Variants in PGD observed in about 807,000 individuals in gnomAD.
PGD encodes the protein 6-phosphogluconate dehydrogenase, decarboxylating.
In PGD, 21 loss-of-function variants were observed where a neutral mutation model predicts 60.4. The observed-to-expected ratio is 0.35, with a 90% CI of 0.25 to 0.50. The LOEUF (loss-of-function observed/expected upper bound fraction) is 0.50, where lower values mean the gene tolerates loss of function less well. PGD is among the 20% of genes least tolerant of loss of function. The pLI is 0.98. For missense variants in PGD, 477 were observed against 613.1 expected (o/e 0.78, Z 2.34); for synonymous variants, 230 against 235.9 (o/e 0.97, Z 0.23).
intron 6 of PGD, among the ~76,000 whole-genome samples, chr1:10,409,132 C>T (rs1639455484): frequency 6.6e-6 from 1 of 152,098 alleles, no homozygotes; most frequent in African/African-American, 2.4e-5. Context: ...CTCCTGATTC[C>T]CTTTAATTTT....
Position 10,419,614 on chromosome 1 carries a change from C to T in PGD, c.1333-16C>T, listed in dbSNP as rs199525398. On this transcript the variant is annotated splice_polypyrimidine_tract_variant and intron_variant, in intron 12 of 12. Coordinates refer to ENST00000270776, the MANE Select transcript of PGD (RefSeq NM_002631.4). ...GCCATGGACTGTCCTGACCAACCTACTCTCTCGTTTCCTAGGCTCAGCGGG... is the reference window on the plus strand; with the variant it reads ...GCCATGGACTGTCCTGACCAACCTATTCTCTCGTTTCCTAGGCTCAGCGGG... 7.4e-6 allele frequency: 12 copies of T among 1,614,038 alleles called. No individual in the cohort carries two copies. The highest frequency in any genetic ancestry group is 2.7e-5 in the African/African-American group (2 of 75,064).
intron 5 of PGD, among the ~76,000 whole-genome samples, chr1:10,407,217 G>T (rs556191509): frequency 2.0e-5 from 3 of 152,208 alleles, no homozygotes; most frequent in Non-Finnish European, 4.4e-5. Context: ...GGAAGCTGAG[G>T]TGTGAGGATT....
At position 10,420,213 on chromosome 1, in the gene PGD, TTTTC is replaced by T. The variant is rs1474853369; in HGVS notation, c.*468_*471del. On this transcript the variant is annotated 3_prime_UTR_variant, in exon 13 of 13. Transcript: ENST00000270776. ...CCATTATCCCCATTGGCAGAAAGAT[TTTTC>T]TTTAAAAAAAAAGACTAGAATAACA... The T allele has an allele frequency of 1.3e-5, 2 of 156,830 alleles. No homozygotes were observed. The highest frequency in any genetic ancestry group is 1.2e-4 in the Admixed American group (2 of 16,362). The allele number at this position is 156,830 out of a possible 1,614,324, so 9.7% of individuals were successfully genotyped here.
intron 5 of PGD, among the ~76,000 whole-genome samples, chr1:10,406,106 G>C (rs533432821): frequency 1.3e-5 from 2 of 152,268 alleles, no homozygotes; most frequent in South Asian, 4.1e-4. Context: ...GCCTGCCTCA[G>C]CCTCCCAAAG....
At chr1:10,412,578 C>G (rs1178701701) in intron 7 of PGD, among the ~76,000 whole-genome samples, 2 of 152,160 alleles carry the variant, frequency 1.3e-5, no homozygotes, top group African/African-American at 4.8e-5. Context: ...AACGTGTTCA[C>G]TCAGCAAACA....
At chr1:10,408,010 TG>T in intron 5 of PGD, 60 bp from the exon 6 acceptor site, 2 of 960,326 alleles carry the variant, frequency 2.1e-6, no homozygotes, top group Non-Finnish European at 3.4e-6. Context: ...TTGGTGTCTA[TG>T]GGTATGGGCT....
intron 11 of PGD, 120 bp from the exon 12 acceptor site, chr1:10,419,297 G>T: frequency 7.2e-7 from 1 of 1,386,120 alleles, no homozygotes; most frequent in Non-Finnish European, 9.8e-7. Context: ...GATGACAGGC[G>T]TGAGCCACCG....
At chr1:10,412,929 A>G (rs1048109602) in intron 7 of PGD, 133 bp from the exon 8 acceptor site, 8 of 676,046 alleles carry the variant, frequency 1.2e-5, no homozygotes, top group South Asian at 1.8e-5. Flanking sequence ...CAGCAGGAGC[A>G]GAAGTCCCCA....
intron 12 of PGD, 36 bp downstream of exon 12, chr1:10,419,575 C>A (rs946835822): frequency 3.1e-6 from 5 of 1,614,042 alleles, no homozygotes; most frequent in Non-Finnish European, 4.2e-6. Context: ...CTGGCTGGCC[C>A]CTCGGGGGCG....
chr1:10,407,540 G>T (rs565990900), intron 5 of PGD, among the ~76,000 whole-genome samples: 32 of 152,266 alleles, frequency 2.1e-4, no homozygotes, highest in African/African-American at 7.5e-4. Flanking sequence ...TGCTTTGAGG[G>T]CCCACCAGGA....
At chr1:10,418,998 GT>G (rs560774763) in intron 11 of PGD, 73 bp downstream of exon 11, 26,729 of 633,814 alleles carry the variant, frequency 0.042, no homozygotes, top group East Asian at 0.053. Context: ...TTGGTTTTTT[GT>G]TTTTTTTTTT....
intron 1 of PGD, 112 bp downstream of exon 1, chr1:10,399,237 G>A: frequency 8.0e-7 from 1 of 1,255,640 alleles, no homozygotes. Context: ...GGTCGCCTGA[G>A]CTCACTTGGG....
intron 8 of PGD, among the ~76,000 whole-genome samples, chr1:10,413,904 C>CAA (rs35827044): frequency 2.7e-4 from 35 of 127,474 alleles, no homozygotes; most frequent in South Asian, 5.0e-4. Flanking sequence ...GACTTCGTCT[C>CAA]AAAAAAAAAA....
chr1:10,399,546 C>G, intron 1 of PGD, 83 bp from the exon 2 acceptor site: 1 of 1,282,578 alleles, frequency 7.8e-7, no homozygotes, highest in South Asian at 1.2e-5. Flanking sequence ...CAGTCACGGC[C>G]AAATGTGGAA....
chr1:10,399,459 TGCCCGGCCGAGGC>T (rs1639272072), intron 1 of PGD, 157 bp from the exon 2 acceptor site: 5 of 513,582 alleles, frequency 9.7e-6, no homozygotes, highest in Non-Finnish European at 1.6e-5. Context: ...GGGGGCCGCC[TGCCCGGCCGAGGC>T]TCTGCAGCGT....
chr1:10,405,677 A>T (rs1432302732), intron 5 of PGD, among the ~76,000 whole-genome samples: 1 of 151,364 alleles, frequency 6.6e-6, no homozygotes, highest in Non-Finnish European at 1.5e-5. Context: ...CTCTACTAAT[A>T]ATACAAAAAT....
chr1:10,420,319 G>C lies in PGD; in HGVS notation c.*570G>C, dbSNP rs986042787. Among the ~76,000 whole-genome samples the C allele has an allele frequency of 6.6e-6, 1 of 151,340 alleles. No individual in the cohort carries two copies. The highest frequency in any genetic ancestry group is 1.9e-4 in the East Asian group (1 of 5,176). Reference sequence around the variant, plus strand: ...GACACACCAGGGGCTTTAATACACTGGGCATGTTTTCTTTCTCCAATTGGG... The same window carrying C: ...GACACACCAGGGGCTTTAATACACTCGGCATGTTTTCTTTCTCCAATTGGG... On this transcript the variant is annotated 3_prime_UTR_variant, in exon 13 of 13. Transcript: ENST00000270776.
Position 10,403,131 on chromosome 1 carries a change from ACCACAG to A in PGD, c.326_330+1del. 6.3e-7 allele frequency: 1 copy of A among 1,599,446 alleles called. No individual in the cohort carries two copies. Among genetic ancestry groups the A allele is most frequent in the Non-Finnish European group, 8.6e-7 (1 of 1,166,558 alleles). The stretch of plus-strand genomic sequence containing the variant: ...CGGAGGAAATTCTGAATATAGGGAC[ACCACAG>A]TAAGTGTTCTTCAGTCCAGATTCTT... On this transcript the variant is annotated splice_donor_variant and coding_sequence_variant, in exon 4 of 13. Transcript: ENST00000270776. LOFTEE classifies it high-confidence loss of function.
chr1:10,413,704 G>A (rs888913406), intron 8 of PGD, among the ~76,000 whole-genome samples: 4 of 152,122 alleles, frequency 2.6e-5, no homozygotes, highest in African/African-American at 9.7e-5. Context: ...AGGAGATTGA[G>A]ACCATCCTGG....
Sources: gnomAD v4.1 joint callset for allele counts (sites outside exome capture counted in the v4.1 genomes callset) on GRCh38, gnomAD v4.1.1 for gene constraint, MANE v1.5 for transcripts, NCBI Gene and HGNC (gene_info 2026-07-23, HGNC 2026-07-21) for gene names.